Variants in FBXO45 observed in about 807,000 individuals in gnomAD.
FBXO45 encodes the protein F-box protein 45, also known as F-box/SPRY domain-containing protein 1.
FBXO45 carries 3 observed loss-of-function variants against 25.5 expected under a neutral mutation model. That is an observed-to-expected ratio of 0.12 (90% confidence interval 0.05 to 0.30). The LOEUF is 0.30. Among genes scored for constraint, FBXO45 ranks in the 10% least tolerant of loss-of-function variants. FBXO45 has a pLI of 1.00. For synonymous variants in FBXO45, 155 were observed against 149.8 expected, an observed-to-expected ratio of 1.03 and a Z score of -0.25; for missense variants, 219 against 365.0, an observed-to-expected ratio of 0.60 and a Z score of 3.26.
At chr3:196,570,108 C>G (rs541038957) in intron 1 of FBXO45, among the ~76,000 whole-genome samples, 1 of 151,768 alleles carries the variant, frequency 6.6e-6, no homozygotes, top group Non-Finnish European at 1.5e-5. Flanking sequence ...ACTCTCAGGC[C>G]GAATAAACAA....
chr3:196,583,763 T>C lies in FBXO45; in HGVS notation c.676-370T>C, dbSNP rs986479268. On this transcript the variant is annotated intron_variant, in intron 2 of 2. Coordinates refer to ENST00000311630, the MANE Select transcript of FBXO45 (RefSeq NM_001105573.2). ...AAGTAAGCATTTGTGATGTGTTACCTAGGCTGGAGTGCAGTGGGCAGTGGT... is the reference window on the plus strand; with the variant it reads ...AAGTAAGCATTTGTGATGTGTTACCCAGGCTGGAGTGCAGTGGGCAGTGGT... Among the ~76,000 whole-genome samples the C allele has an allele frequency of 1.0e-3, 153 of 152,246 alleles. 1 individual carries two copies. The highest frequency in any genetic ancestry group is 2.4e-4 in the Non-Finnish European group (16 of 67,992).
At chr3:196,582,237 G>A (rs761391591) in intron 2 of FBXO45, among the ~76,000 whole-genome samples, 2 of 152,188 alleles carry the variant, frequency 1.3e-5, no homozygotes, top group Non-Finnish European at 2.9e-5. Context: ...TTCAACTTCT[G>A]TAAAATAGGG....
chr3:196,575,105 CAA>C (rs1271664771), intron 1 of FBXO45, among the ~76,000 whole-genome samples: 1 of 151,596 alleles, frequency 6.6e-6, no homozygotes, highest in Non-Finnish European at 1.5e-5. Context: ...GGGTGGTCAC[CAA>C]AAAAGGAAAT....
intron 2 of FBXO45, among the ~76,000 whole-genome samples, chr3:196,582,948 A>T (rs1430155968): frequency 1.3e-5 from 2 of 152,162 alleles, no homozygotes; most frequent in African/African-American, 4.8e-5. Flanking sequence ...CATTAAATAC[A>T]TTCACACACC....
chr3:196,578,970 C>T (rs1272660869), intron 2 of FBXO45, among the ~76,000 whole-genome samples: 1 of 152,132 alleles, frequency 6.6e-6, no homozygotes, highest in Non-Finnish European at 1.5e-5. Flanking sequence ...AGGCTCCTTA[C>T]CCCAGTAAAT....
Position 196,577,393 on chromosome 3 carries a change from T to C in FBXO45, c.319-60T>C. The C allele has an allele frequency of 3.1e-6, 4 of 1,284,940 alleles. No homozygotes were observed. The African/African-American group carries it at 6.0e-5, about 19-fold the overall frequency. The allele number at this position is 1,284,940 out of a possible 1,614,324, so 79.6% of individuals were successfully genotyped here. ...AACATACAGCGTGAAGTTTGGGTAA[T>C]TTTTAATATTTAAGAAAAATAAAAT... On this transcript the variant is annotated intron_variant, in intron 1 of 2. Coordinates refer to ENST00000311630, the MANE Select transcript of FBXO45 (RefSeq NM_001105573.2).
chr3:196,569,384 G>C lies in FBXO45; in HGVS notation c.318+82G>C. ...CGGTGTTTCTCATCCGAGCTTCTGA[G>C]TCAGAAGCTTCGCCTCACCAGCCCG... is the stretch of plus-strand genomic sequence containing the variant. On this transcript the variant is annotated intron_variant, in intron 1 of 2. Coordinates refer to ENST00000311630, the MANE Select transcript of FBXO45 (RefSeq NM_001105573.2). This position sits in a 1 kb window ranked among gnomAD's most constrained non-coding sequence, Gnocchi z 4.1. 5.9e-6 allele frequency: 8 copies of C among 1,356,916 alleles called. No homozygotes were observed. The highest frequency in any genetic ancestry group is 7.9e-6 in the Non-Finnish European group (8 of 1,014,382). The allele number at this position is 1,356,916 out of a possible 1,614,324, so 84.1% of individuals were successfully genotyped here. A position where few individuals can be genotyped will look rare whatever the true frequency, so the allele number is the denominator to read the frequency against.
At position 196,584,392 on chromosome 3, in the gene FBXO45, G is replaced by A; in HGVS notation, c.*74G>A. The A allele has an allele frequency of 7.6e-7, 1 of 1,310,472 alleles. No homozygotes were observed. The highest frequency in any genetic ancestry group is 1.0e-6 in the Non-Finnish European group (1 of 965,620). 81.2% of individuals were successfully genotyped at this position (1,310,472 alleles called of 1,614,324 possible). On this transcript the variant is annotated 3_prime_UTR_variant, in exon 3 of 3. Coordinates refer to ENST00000311630, the MANE Select transcript of FBXO45 (RefSeq NM_001105573.2). The surrounding 1 kb of genome is among the most constrained non-coding windows in gnomAD (Gnocchi z 4.3). Reference sequence around the variant, plus strand: ...TGGGAAGTAGAACCATGAAGTGACTGTCACACATGCATGTCCAAGAAACAT... The same window carrying A: ...TGGGAAGTAGAACCATGAAGTGACTATCACACATGCATGTCCAAGAAACAT...
chr3:196,581,032 T>A (rs1367420433), intron 2 of FBXO45, among the ~76,000 whole-genome samples: 1 of 152,160 alleles, frequency 6.6e-6, no homozygotes, highest in Non-Finnish European at 1.5e-5. Flanking sequence ...AGCAGCTGCC[T>A]GCCTCAGTCT....
At chr3:196,583,669 C>G (rs1462900651) in intron 2 of FBXO45, among the ~76,000 whole-genome samples, 1 of 152,092 alleles carries the variant, frequency 6.6e-6, no homozygotes, top group Non-Finnish European at 1.5e-5. Context: ...AGGTAGTGTT[C>G]AGGTGGAACA....
chr3:196,571,801 A>G (rs1486306686), intron 1 of FBXO45, among the ~76,000 whole-genome samples: 4 of 152,142 alleles, frequency 2.6e-5, no homozygotes, highest in African/African-American at 7.2e-5. Flanking sequence ...TGCTATGTGC[A>G]TTATAGATGT....
chr3:196,577,381 A>T, intron 1 of FBXO45, 72 bp from the exon 2 acceptor site: 1 of 1,136,684 alleles, frequency 8.8e-7, no homozygotes, highest in East Asian at 2.6e-5. Flanking sequence ...ATACAGCGTG[A>T]AGTTTGGGTA....
chr3:196,571,661 A>G lies in FBXO45; in HGVS notation c.318+2359A>G, dbSNP rs77464518. Among the ~76,000 whole-genome samples the G allele has an allele frequency of 9.3e-3, 1,424 of 152,324 alleles. 55 individuals are homozygous for G. Among genetic ancestry groups the G allele is most frequent in the South Asian group, 0.062 (301 of 4,826 alleles). ...AATAGAAGCAAAATGATATCAAGCA[A>G]AATGTTTTCCTTTCATCCTTGTCGC... On this transcript the variant is annotated intron_variant, in intron 1 of 2. Transcript: ENST00000311630.
chr3:196,570,265 C>CCCCTTTT (rs1560315620), intron 1 of FBXO45, among the ~76,000 whole-genome samples: 1 of 142,352 alleles, frequency 7.0e-6, no homozygotes, highest in Admixed American at 6.9e-5. Flanking sequence ...ACATCCCCCC[C>CCCCTTTT]TTTTTTTTTT....
In FBXO45 at chr3:196,586,139, G is replaced by C. The variant is rs1736107894; in HGVS notation, c.*1821G>C. 1 of 152,172 alleles carries C rather than the reference G, an allele frequency of 6.6e-6. No individual in the cohort carries two copies. Among genetic ancestry groups the C allele is most frequent in the African/African-American group, 2.4e-5 (1 of 41,434 alleles). 9.4% of individuals were successfully genotyped at this position (152,172 alleles called of 1,614,324 possible). ...ATAGAAATTGATTTTTCTTGGTGTA[G>C]AACAACTCAGTTCGGCAAAGTTTAA... is the stretch of plus-strand genomic sequence containing the variant. On this transcript the variant is annotated 3_prime_UTR_variant, in exon 3 of 3. Transcript: ENST00000311630.
chr3:196,578,153 C>T (rs6791388), intron 2 of FBXO45, among the ~76,000 whole-genome samples: 4,019 of 150,128 alleles, frequency 0.027, 144 homozygotes, highest in African/African-American at 0.082. Flanking sequence ...CAATTCTCTG[C>T]CTCAGCCTCA....
At chr3:196,580,627 G>A (rs1157746567) in intron 2 of FBXO45, among the ~76,000 whole-genome samples, 2 of 152,050 alleles carry the variant, frequency 1.3e-5, no homozygotes, top group South Asian at 2.1e-4. Context: ...GCCCAGCTTC[G>A]GTCTCTGACT....
rs966411322 is a variant in FBXO45, at chr3:196,585,924, A to G, written c.*1606A>G. The G allele has an allele frequency of 2.6e-5, 4 of 152,262 alleles. No individual in the cohort carries two copies. Among genetic ancestry groups the G allele is most frequent in the Admixed American group, 6.5e-5 (1 of 15,282 alleles). The allele number at this position is 152,262 out of a possible 1,614,324, so 9.4% of individuals were successfully genotyped here. ...AAGATTGTCAATACTCCTGTGAAGCAAGGGATTTCAGCCATAGAACAAAGA... is the reference window on the plus strand; with the variant it reads ...AAGATTGTCAATACTCCTGTGAAGCGAGGGATTTCAGCCATAGAACAAAGA... On this transcript the variant is annotated 3_prime_UTR_variant, in exon 3 of 3. Coordinates refer to ENST00000311630, the MANE Select transcript of FBXO45 (RefSeq NM_001105573.2).
chr3:196,584,595 C>A lies in FBXO45; in HGVS notation c.*277C>A. 1 of 281,192 alleles carries A rather than the reference C, an allele frequency of 3.6e-6. No individual in the cohort carries two copies. The highest frequency in any genetic ancestry group is 6.6e-6 in the Non-Finnish European group (1 of 152,354). The allele number at this position is 281,192 out of a possible 1,614,324, so 17.4% of individuals were successfully genotyped here. A position where few individuals can be genotyped will look rare whatever the true frequency, so the allele number is the denominator to read the frequency against. ...TAAGTTAGCAATGTGTTATTTCCAGCTTTAAAGGTGAGATTGTAGAGATGC... is the reference window on the plus strand; with the variant it reads ...TAAGTTAGCAATGTGTTATTTCCAGATTTAAAGGTGAGATTGTAGAGATGC... On this transcript the variant is annotated 3_prime_UTR_variant, in exon 3 of 3. Coordinates refer to ENST00000311630, the MANE Select transcript of FBXO45 (RefSeq NM_001105573.2). The surrounding 1 kb of genome is among the most constrained non-coding windows in gnomAD (Gnocchi z 4.3).
Sources: gnomAD v4.1 joint callset for allele counts (sites outside exome capture counted in the v4.1 genomes callset) on GRCh38, gnomAD v4.1.1 for gene constraint, Gnocchi (gnomAD v3.1) non-coding constraint, MANE v1.5 for transcripts, NCBI Gene and HGNC (gene_info 2026-07-23, HGNC 2026-07-21) for gene names.